The following KCNH8 variants were observed in gnomAD, a reference collection of about 807,000 sequenced individuals.
KCNH8 encodes potassium voltage-gated channel subfamily H member 8.
In KCNH8, 70 loss-of-function variants were observed where a neutral mutation model predicts 103.6. The observed-to-expected ratio is 0.68, with a 90% CI of 0.56 to 0.82. KCNH8 has a LOEUF of 0.82. Among genes scored for constraint, KCNH8 ranks in the 40% least tolerant of loss-of-function variants. The pLI is 0.00. For synonymous variants in KCNH8, 498 were observed against 489.4 expected (o/e 1.02, Z -0.23); for missense variants, 1,217 against 1,329.9 (o/e 0.92, Z 1.32).
At chr3:19,484,623 G>A (rs898447145) in intron 11 of KCNH8, among the ~76,000 whole-genome samples, 4 of 152,064 alleles carry the variant, frequency 2.6e-5, no homozygotes, top group Admixed American at 6.6e-5. Context: ...GATCCAGGCT[G>A]GGATTCCTTC....
At chr3:19,203,466 T>A (rs2063683716) in intron 1 of KCNH8, among the ~76,000 whole-genome samples, 1 of 152,088 alleles carries the variant, frequency 6.6e-6, no homozygotes. Context: ...AATTTGCTTT[T>A]TGCTTACCAG....
chr3:19,455,167 T>C (rs1226857166), intron 10 of KCNH8, among the ~76,000 whole-genome samples: 4 of 152,150 alleles, frequency 2.6e-5, no homozygotes, highest in African/African-American at 9.6e-5. Context: ...CTTAATCTGA[T>C]ACCTGGAAAG....
chr3:19,441,733 T>G (rs890153917), intron 8 of KCNH8, among the ~76,000 whole-genome samples: 2 of 152,234 alleles, frequency 1.3e-5, no homozygotes, highest in African/African-American at 4.8e-5. Context: ...CAAAGCCTGT[T>G]TTAGCATGTC....
intron 1 of KCNH8, among the ~76,000 whole-genome samples, chr3:19,155,169 G>A (rs1234053629): frequency 6.6e-6 from 1 of 152,120 alleles, no homozygotes; most frequent in African/African-American, 2.4e-5. Context: ...TCTAGCCTTT[G>A]AAACCTATTT....
chr3:19,184,349 T>C (rs1054538345), intron 1 of KCNH8, among the ~76,000 whole-genome samples: 2 of 151,932 alleles, frequency 1.3e-5, no homozygotes, highest in Non-Finnish European at 2.9e-5. Context: ...ATACTGTTTA[T>C]AGACATAGCT....
chr3:19,447,397 C>A (rs2125180040), intron 8 of KCNH8, among the ~76,000 whole-genome samples: 1 of 152,118 alleles, frequency 6.6e-6, no homozygotes, highest in African/African-American at 2.4e-5. Flanking sequence ...ATTCATTTTA[C>A]TAATAAAATA....
At chr3:19,151,534 T>G (rs1453101556) in intron 1 of KCNH8, among the ~76,000 whole-genome samples, 1 of 152,124 alleles carries the variant, frequency 6.6e-6, no homozygotes, top group Non-Finnish European at 1.5e-5. Context: ...ATTATTAGCC[T>G]TATTAATTTA....
At chr3:19,478,522 C>T (rs1391167719) in intron 11 of KCNH8, among the ~76,000 whole-genome samples, 1 of 151,980 alleles carries the variant, frequency 6.6e-6, no homozygotes, top group Non-Finnish European at 1.5e-5. Context: ...AAATGCACCC[C>T]TTTTAAGGGT....
At chr3:19,531,407 T>TCAAAG (rs1211711153) in intron 15 of KCNH8, among the ~76,000 whole-genome samples, 1 of 152,238 alleles carries the variant, frequency 6.6e-6, no homozygotes, top group African/African-American at 2.4e-5. Flanking sequence ...AGTGAAGATT[T>TCAAAG]CAAAGCATAT....
intron 7 of KCNH8, among the ~76,000 whole-genome samples, chr3:19,431,218 C>T (rs1268961027): frequency 6.6e-6 from 1 of 152,190 alleles, no homozygotes; most frequent in East Asian, 1.9e-4. Context: ...TATCAAAAGA[C>T]TTCTCTGCAT....
intron 1 of KCNH8, among the ~76,000 whole-genome samples, chr3:19,193,577 C>G (rs1193609828): frequency 6.6e-6 from 1 of 151,524 alleles, no homozygotes; most frequent in Non-Finnish European, 1.5e-5. Context: ...TAAAAACATT[C>G]TATAAAATTG....
chr3:19,325,703 T>C (rs1178745258), intron 3 of KCNH8, among the ~76,000 whole-genome samples: 1 of 152,166 alleles, frequency 6.6e-6, no homozygotes, highest in African/African-American at 2.4e-5. Flanking sequence ...GGTGATGTTA[T>C]GGAGTAAAAT....
In KCNH8 at chr3:19,438,371, C is replaced by T. The variant is rs140234509; in HGVS notation, c.1375+10C>T. 6.2e-7 allele frequency: 1 copy of T among 1,608,514 alleles called. No individual in the cohort carries two copies. The highest frequency in any genetic ancestry group is 2.2e-5 in the East Asian group (1 of 44,820). Reference sequence around the variant, plus strand: ...ACCATGCTGATTGGTGGTAAGAGAGCATCTTCTTTTATACTAAGAAGAGGA... The same window carrying T: ...ACCATGCTGATTGGTGGTAAGAGAGTATCTTCTTTTATACTAAGAAGAGGA... On this transcript the variant is annotated intron_variant, in intron 8 of 15. Coordinates refer to ENST00000328405, the MANE Select transcript of KCNH8 (RefSeq NM_144633.3).
At chr3:19,261,717 T>C (rs1013173021) in intron 2 of KCNH8, among the ~76,000 whole-genome samples, 3 of 151,908 alleles carry the variant, frequency 2.0e-5, no homozygotes, top group Admixed American at 2.0e-4. Flanking sequence ...TATTTTCTGC[T>C]AAGTGTTTTA....
intron 12 of KCNH8, among the ~76,000 whole-genome samples, chr3:19,510,912 CA>C (rs1284332023): frequency 6.6e-6 from 1 of 152,006 alleles, no homozygotes; most frequent in Non-Finnish European, 1.5e-5. Context: ...CAGAGGCACG[CA>C]AATAGATTAA....
At chr3:19,346,436 C>T (rs1368206825) in intron 4 of KCNH8, among the ~76,000 whole-genome samples, 1 of 152,018 alleles carries the variant, frequency 6.6e-6, no homozygotes, top group Non-Finnish European at 1.5e-5. Context: ...AGTAGTTTAA[C>T]AGTGACCCAC....
chr3:19,181,623 G>A (rs2063453994), intron 1 of KCNH8, among the ~76,000 whole-genome samples: 1 of 152,084 alleles, frequency 6.6e-6, no homozygotes, highest in Non-Finnish European at 1.5e-5. Context: ...TCTATAAATT[G>A]TAAATTTCCA....
chr3:19,230,879 T>C (rs1383517243), intron 1 of KCNH8, among the ~76,000 whole-genome samples: 2 of 152,216 alleles, frequency 1.3e-5, no homozygotes, highest in African/African-American at 2.4e-5. Flanking sequence ...CCAAGAGTTT[T>C]GGAAATGTCC....
chr3:19,418,120 G>A (rs2066890951), intron 7 of KCNH8, among the ~76,000 whole-genome samples: 1 of 152,172 alleles, frequency 6.6e-6, no homozygotes, highest in South Asian at 2.1e-4. Flanking sequence ...CAAAAGGTGA[G>A]TATTATTTGG....
Sources: gnomAD v4.1 joint callset for allele counts (sites outside exome capture counted in the v4.1 genomes callset) on GRCh38, gnomAD v4.1.1 for gene constraint, MANE v1.5 for transcripts, NCBI Gene and HGNC (gene_info 2026-07-23, HGNC 2026-07-21) for gene names.